Variants in EPHA3 observed in about 807,000 individuals in gnomAD.
The protein encoded by EPHA3 is EPH receptor A3, also known as ephrin type-A receptor 3.
Under a neutral mutation model 107.1 loss-of-function variants are expected in EPHA3, and 42 were observed. That is an observed-to-expected ratio of 0.39 (90% CI 0.31 to 0.51). The LOEUF is 0.51. Ranked by LOEUF, EPHA3 falls within the 20% of genes least tolerant of loss-of-function variation. EPHA3 has a pLI of 0.78. For synonymous variants in EPHA3, 461 were observed against 424.8 expected, an observed-to-expected ratio of 1.09 and a Z score of -1.05; for missense variants, 1,183 against 1,211.2, an observed-to-expected ratio of 0.98 and a Z score of 0.35.
chr3:89,341,942 G>C lies in EPHA3; in HGVS notation c.1158G>C (p.Gln386His), dbSNP rs2107420501. ...CAAATGTCCGCTTCCTCCCTCGACAGTTTGGACTCACCAACACCACGGTGA... is the reference window on the plus strand; with the variant it reads ...CAAATGTCCGCTTCCTCCCTCGACACTTTGGACTCACCAACACCACGGTGA... ...CSPNVRFLPR[Q>H]FGLTNTTVTV... The change falls in exon 5 of 17, where the codon CAG becomes CAC. Residue 386 changes from glutamine to histidine, a missense_variant. Transcript: ENST00000336596. The C allele has an allele frequency of 1.2e-6, 2 of 1,613,618 alleles. No individual in the cohort carries two copies. Among genetic ancestry groups the C allele is most frequent in the Non-Finnish European group, 1.7e-6 (2 of 1,179,954 alleles).
chr3:89,160,546 TTTTGTGTGTGTGTG>T (rs1230051083), intron 2 of EPHA3, among the ~76,000 whole-genome samples: 11 of 90,858 alleles, frequency 1.2e-4, no homozygotes, highest in African/African-American at 2.3e-4. Flanking sequence ...TAATATTAGA[TTTTGTGTGTGTGTG>T]TGTGTGTGTG....
intron 7 of EPHA3, among the ~76,000 whole-genome samples, chr3:89,403,437 G>A (rs1291824931): frequency 6.6e-6 from 1 of 151,868 alleles, no homozygotes; most frequent in Non-Finnish European, 1.5e-5. Flanking sequence ...GTCAGATGGG[G>A]CAACAAACCT....
intron 1 of EPHA3, among the ~76,000 whole-genome samples, chr3:89,125,098 C>T (rs1390681645): frequency 1.3e-5 from 2 of 151,778 alleles, no homozygotes; most frequent in African/African-American, 4.8e-5. Context: ...TCTTCTCACT[C>T]TGGTTACTAA....
intron 16 of EPHA3, among the ~76,000 whole-genome samples, chr3:89,479,118 A>G (rs1196131536): frequency 6.6e-6 from 1 of 151,926 alleles, no homozygotes; most frequent in Non-Finnish European, 1.5e-5. Context: ...CAATCGGTGT[A>G]TTAATTACAT....
At chr3:89,369,631 G>A (rs1157893866) in intron 5 of EPHA3, among the ~76,000 whole-genome samples, 2 of 149,122 alleles carry the variant, frequency 1.3e-5, no homozygotes, top group Non-Finnish European at 1.5e-5. Flanking sequence ...AAAAGCAATG[G>A]CAACAAAAGC....
chr3:89,373,569 C>G (rs1219972486), intron 5 of EPHA3, among the ~76,000 whole-genome samples: 1 of 151,784 alleles, frequency 6.6e-6, no homozygotes, highest in Non-Finnish European at 1.5e-5. Flanking sequence ...TGGTCTCATT[C>G]CTATGTGACA....
chr3:89,167,948 A>G (rs1705114785), intron 2 of EPHA3, among the ~76,000 whole-genome samples: 1 of 152,134 alleles, frequency 6.6e-6, no homozygotes, highest in African/African-American at 2.4e-5. Flanking sequence ...AAATATACAT[A>G]CATATATGTA....
At chr3:89,162,039 C>T (rs1446013558) in intron 2 of EPHA3, among the ~76,000 whole-genome samples, 1 of 151,434 alleles carries the variant, frequency 6.6e-6, no homozygotes, top group Non-Finnish European at 1.5e-5. Flanking sequence ...ACCTCTCTTG[C>T]TTAGTGAGCC....
intron 3 of EPHA3, among the ~76,000 whole-genome samples, chr3:89,276,224 A>C (rs1352245036): frequency 6.6e-6 from 1 of 152,114 alleles, no homozygotes; most frequent in Non-Finnish European, 1.5e-5. Context: ...CCATAAAAAT[A>C]TGTCAACCTT....
intron 15 of EPHA3, among the ~76,000 whole-genome samples, chr3:89,452,822 T>G (rs1429656386): frequency 6.6e-6 from 1 of 152,194 alleles, no homozygotes; most frequent in Non-Finnish European, 1.5e-5. Context: ...TTTACAGTAT[T>G]AGGTCTTCAG....
intron 5 of EPHA3, among the ~76,000 whole-genome samples, chr3:89,356,102 C>T (rs1281832363): frequency 2.1e-4 from 31 of 148,208 alleles, no homozygotes; most frequent in African/African-American, 6.6e-4. Context: ...TTTGTTCTTG[C>T]GATAGTTTAC....
intron 5 of EPHA3, among the ~76,000 whole-genome samples, chr3:89,359,244 G>A (rs2107455204): frequency 6.6e-6 from 1 of 150,746 alleles, no homozygotes; most frequent in Middle Eastern, 3.4e-3. Flanking sequence ...AAGATACCTG[G>A]CCAGAATTTG....
intron 2 of EPHA3, among the ~76,000 whole-genome samples, chr3:89,188,755 T>A (rs1391731897): frequency 2.0e-5 from 3 of 152,190 alleles, no homozygotes; most frequent in Admixed American, 2.0e-4. Flanking sequence ...AATAAATGAT[T>A]TTCTTCTTCA....
At chr3:89,416,580 A>G (rs562514229) in intron 10 of EPHA3, among the ~76,000 whole-genome samples, 32 of 151,586 alleles carry the variant, frequency 2.1e-4, no homozygotes, top group African/African-American at 7.7e-4. Context: ...TAATAACCAT[A>G]ATTGCTATCC....
chr3:89,177,227 A>G (rs1451470704), intron 2 of EPHA3, among the ~76,000 whole-genome samples: 1 of 152,170 alleles, frequency 6.6e-6, no homozygotes, highest in Admixed American at 6.5e-5. Context: ...GCATGGACAG[A>G]ATGCTGGTTA....
At chr3:89,305,380 C>T (rs1382057080) in intron 3 of EPHA3, among the ~76,000 whole-genome samples, 2 of 152,086 alleles carry the variant, frequency 1.3e-5, no homozygotes, top group East Asian at 3.9e-4. Flanking sequence ...AATTGACAAG[C>T]TTTCACTCTA....
chr3:89,479,323 T>C (rs1710580414), intron 16 of EPHA3, 74 bp from the exon 17 acceptor site: 1 of 1,161,560 alleles, frequency 8.6e-7, no homozygotes, highest in African/African-American at 1.5e-5. Context: ...ATCGTGCAAA[T>C]TGTGCTAATT....
intron 3 of EPHA3, among the ~76,000 whole-genome samples, chr3:89,338,183 T>G (rs1707435203): frequency 6.6e-6 from 1 of 152,230 alleles, no homozygotes; most frequent in African/African-American, 2.4e-5. Context: ...GCTTCATCTG[T>G]GAGCAAAATC....
At chr3:89,276,512 C>T (rs761050309) in intron 3 of EPHA3, among the ~76,000 whole-genome samples, 1 of 152,038 alleles carries the variant, frequency 6.6e-6, no homozygotes, top group Non-Finnish European at 1.5e-5. Flanking sequence ...TATAGCATTG[C>T]AAGATAACTT....
Sources: gnomAD v4.1 joint callset for allele counts (sites outside exome capture counted in the v4.1 genomes callset) on GRCh38, gnomAD v4.1.1 for gene constraint, MANE v1.5 for transcripts, NCBI Gene and HGNC (gene_info 2026-07-23, HGNC 2026-07-21) for gene names.